Variants in CDH13 observed in about 807,000 individuals in gnomAD.
The protein encoded by CDH13 is cadherin 13.
A neutral mutation model predicts 63.8 loss-of-function variants in CDH13; 24 were observed. The ratio of observed to expected loss-of-function variants is 0.38; its 90% CI spans 0.27 to 0.53. The LOEUF is 0.53. CDH13 is among the 20% of genes least tolerant of loss of function. The pLI is 0.85. For synonymous variants in CDH13, 503 were observed against 355.3 expected (o/e 1.42, Z -4.67); for missense variants, 1,049 against 903.1 (o/e 1.16, Z -2.07).
At chr16:83,496,830 C>G (rs2074157076) in intron 7 of CDH13, among the ~76,000 whole-genome samples, 1 of 152,038 alleles carries the variant, frequency 6.6e-6, no homozygotes. Context: ...AACAAACAAC[C>G]CCATCAAAAA....
At chr16:83,195,901 C>T (rs1026602583) in intron 4 of CDH13, among the ~76,000 whole-genome samples, 2 of 152,124 alleles carry the variant, frequency 1.3e-5, no homozygotes, top group Admixed American at 6.5e-5. Context: ...ATGCTGGAGC[C>T]ATTGGACATC....
At chr16:83,750,763 C>G (rs1004791884) in intron 11 of CDH13, among the ~76,000 whole-genome samples, 1 of 152,174 alleles carries the variant, frequency 6.6e-6, no homozygotes, top group Non-Finnish European at 1.5e-5. Context: ...GCCTTCCTCA[C>G]ATCCCTCAGC....
intron 6 of CDH13, among the ~76,000 whole-genome samples, chr16:83,430,423 C>T (rs2072062104): frequency 6.6e-6 from 1 of 152,158 alleles, no homozygotes; most frequent in Admixed American, 6.5e-5. Flanking sequence ...TGGCAAACAA[C>T]CTAATTGATG....
rs144519189 is a variant in CDH13 at position 83,094,801 on chromosome 16, G to A, written c.367-30584G>A. On this transcript the variant is annotated intron_variant, in intron 3 of 13. Coordinates refer to ENST00000567109, the MANE Select transcript of CDH13 (RefSeq NM_001257.5). Reference sequence around the variant, plus strand: ...TGACTTCCTTCTGACTTGTCAAGGCGTGGGCATACGCAATTTTTTCCTCTA... The same window carrying A: ...TGACTTCCTTCTGACTTGTCAAGGCATGGGCATACGCAATTTTTTCCTCTA... Among the ~76,000 whole-genome samples, 557 of 152,280 alleles carry A rather than the reference G, an allele frequency of 3.7e-3. 6 individuals are homozygous for A. The highest frequency in any genetic ancestry group is 0.013 in the African/African-American group (527 of 41,558).
chr16:83,611,989 G>T (rs1420699162), intron 8 of CDH13, among the ~76,000 whole-genome samples: 1 of 151,976 alleles, frequency 6.6e-6, no homozygotes, highest in African/African-American at 2.4e-5. Flanking sequence ...TGTTAATTCT[G>T]TAGTTGTTTA....
intron 8 of CDH13, among the ~76,000 whole-genome samples, chr16:83,608,443 C>T (rs1445670248): frequency 6.6e-6 from 1 of 152,138 alleles, no homozygotes; most frequent in Non-Finnish European, 1.5e-5. Context: ...CTGAAGAATA[C>T]ATGGTGCCTC....
intron 3 of CDH13, among the ~76,000 whole-genome samples, chr16:83,091,009 T>G (rs1338290342): frequency 2.0e-5 from 3 of 152,186 alleles, no homozygotes; most frequent in African/African-American, 7.2e-5. Flanking sequence ...TTACTGTAAT[T>G]TTTCTACTTA....
At chr16:83,087,374 C>G (rs1438814547) in intron 3 of CDH13, among the ~76,000 whole-genome samples, 1 of 152,040 alleles carries the variant, frequency 6.6e-6, no homozygotes, top group East Asian at 1.9e-4. Context: ...TTTAAATATA[C>G]AATGCTTAGC....
At chr16:83,438,676 G>A (rs888913896) in intron 6 of CDH13, among the ~76,000 whole-genome samples, 14 of 152,174 alleles carry the variant, frequency 9.2e-5, no homozygotes, top group African/African-American at 2.2e-4. Context: ...TATATAGTAC[G>A]TTCTTTCCCA....
At position 83,579,079 on chromosome 16, in the gene CDH13, A is replaced by G. The variant is rs1048749806; in HGVS notation, c.961-23375A>G. Among the ~76,000 whole-genome samples, 21 of 152,252 alleles carry G rather than the reference A, an allele frequency of 1.4e-4. No individual in the cohort carries two copies. The East Asian group carries it at 2.3e-3, about 17-fold the overall frequency. ...TGATAAAATTCCCATGTTTAAAGAC[A>G]GTGTTATAAACACAGAGAAAGTTGT... On this transcript the variant is annotated intron_variant, in intron 7 of 13. Transcript: ENST00000567109.
At chr16:83,489,101 T>G (rs1033288559) in intron 7 of CDH13, among the ~76,000 whole-genome samples, 11 of 152,206 alleles carry the variant, frequency 7.2e-5, no homozygotes, top group Non-Finnish European at 1.6e-4. Context: ...AAGAAAAAGA[T>G]GAAGCATGGT....
intron 1 of CDH13, among the ~76,000 whole-genome samples, chr16:82,731,890 A>G (rs1249077558): frequency 6.6e-6 from 1 of 152,224 alleles, no homozygotes; most frequent in Non-Finnish European, 1.5e-5. Context: ...TAACATTACC[A>G]GAATATCACT....
At chr16:82,760,155 T>A (rs1174682065) in intron 1 of CDH13, among the ~76,000 whole-genome samples, 2 of 152,192 alleles carry the variant, frequency 1.3e-5, no homozygotes, top group Non-Finnish European at 2.9e-5. Context: ...CCAGAACACC[T>A]ATTTCAGGGC....
intron 5 of CDH13, among the ~76,000 whole-genome samples, chr16:83,305,063 A>G (rs761825209): frequency 6.6e-6 from 1 of 152,204 alleles, no homozygotes; most frequent in Non-Finnish European, 1.5e-5. Flanking sequence ...AATGCTCTCA[A>G]TGTAAGCCCA....
intron 1 of CDH13, among the ~76,000 whole-genome samples, chr16:82,660,973 A>G (rs1419073285): frequency 6.6e-6 from 1 of 151,984 alleles, no homozygotes; most frequent in Non-Finnish European, 1.5e-5. Flanking sequence ...AAGAAGTCAT[A>G]AAAACAAACC....
intron 1 of CDH13, among the ~76,000 whole-genome samples, chr16:82,779,377 G>A (rs2035644915): frequency 6.6e-6 from 1 of 152,214 alleles, no homozygotes; most frequent in African/African-American, 2.4e-5. Context: ...AGGCCGCTTT[G>A]AGAATTTCTG....
intron 5 of CDH13, among the ~76,000 whole-genome samples, chr16:83,268,873 G>T (rs557355607): frequency 1.4e-4 from 22 of 152,186 alleles, no homozygotes; most frequent in African/African-American, 5.3e-4. Flanking sequence ...CAGTTCTTAG[G>T]TTCTACCTGG....
intron 1 of CDH13, among the ~76,000 whole-genome samples, chr16:82,690,527 A>T (rs1479300479): frequency 1.3e-5 from 2 of 152,174 alleles, no homozygotes; most frequent in Non-Finnish European, 1.5e-5. Flanking sequence ...GCTATTCTGG[A>T]TAGAAAATAC....
intron 1 of CDH13, among the ~76,000 whole-genome samples, chr16:82,807,750 C>G (rs2037221669): frequency 6.6e-6 from 1 of 152,120 alleles, no homozygotes; most frequent in African/African-American, 2.4e-5. Flanking sequence ...ATCCAGCCTC[C>G]AAACACCACA....
Sources: allele counts gnomAD v4.1 joint callset (sites outside exome capture counted in the v4.1 genomes callset), GRCh38; gene constraint gnomAD v4.1.1; transcripts MANE v1.5; gene names NCBI Gene and HGNC (gene_info 2026-07-23, HGNC 2026-07-21).